METTL25: variants seen among roughly 807,000 people sequenced by gnomAD.
METTL25 encodes the protein probable methyltransferase-like protein 25.
In METTL25, 64 loss-of-function variants were observed where a neutral mutation model predicts 71.6. The observed-to-expected ratio is 0.89, with a 90% CI of 0.73 to 1.10. METTL25 has a LOEUF of 1.10. METTL25 is among the 50% of genes least tolerant of loss of function. METTL25 has a pLI of 0.00. For missense variants in METTL25, 807 were observed against 707.0 expected, an observed-to-expected ratio of 1.14 and a Z score of -1.60; for synonymous variants, 287 against 250.3, an observed-to-expected ratio of 1.15 and a Z score of -1.38.
chr12:82,440,964 C>T (rs1408372598), intron 8 of METTL25, among the ~76,000 whole-genome samples: 2 of 151,964 alleles, frequency 1.3e-5, no homozygotes, highest in Non-Finnish European at 2.9e-5. Flanking sequence ...CTGGAATAGG[C>T]AACTGTCCAC....
intron 1 of METTL25, among the ~76,000 whole-genome samples, chr12:82,385,798 C>G (rs1172714966): frequency 6.6e-6 from 1 of 152,086 alleles, no homozygotes; most frequent in East Asian, 1.9e-4. Context: ...GTAATGCTGT[C>G]CTTGCTGTAG....
At chr12:82,435,208 T>TAA (rs899764868) in intron 7 of METTL25, among the ~76,000 whole-genome samples, 40 of 151,646 alleles carry the variant, frequency 2.6e-4, no homozygotes, top group African/African-American at 8.2e-4. Context: ...AATATCCATG[T>TAA]AATTGTCTTA....
At chr12:82,395,231 G>C (rs1349562910) in intron 3 of METTL25, among the ~76,000 whole-genome samples, 1 of 152,062 alleles carries the variant, frequency 6.6e-6, no homozygotes, top group Non-Finnish European at 1.5e-5. Flanking sequence ...CTGAGCAGGA[G>C]CATCCAGAGT....
Position 82,398,945 on chromosome 12 carries a change from C to T in METTL25, c.682C>T (p.His228Tyr). The change falls in exon 4 of 12, where the codon CAT becomes TAT. Residue 228 changes from histidine to tyrosine, a missense_variant. By Grantham distance (83) the His-to-Tyr change is moderately conservative. Transcript: ENST00000248306. ...ATTGAAGAAACATTGGAAACTCTGTCATGCTCAGTCAAGATTAGATGTCAA... is the reference window on the plus strand; with the variant it reads ...ATTGAAGAAACATTGGAAACTCTGTTATGCTCAGTCAAGATTAGATGTCAA... The part of the protein sequence containing the change: ...RKLKKHWKLC[H>Y]AQSRLDVNGL... 6.2e-7 allele frequency: 1 copy of T among 1,612,018 alleles called. No individual in the cohort carries two copies. Among genetic ancestry groups the T allele is most frequent in the Non-Finnish European group, 8.5e-7 (1 of 1,179,238 alleles).
intron 3 of METTL25, among the ~76,000 whole-genome samples, chr12:82,394,517 C>A (rs1246956639): frequency 1.3e-5 from 2 of 151,990 alleles, no homozygotes; most frequent in East Asian, 3.9e-4. Flanking sequence ...AAAACATGTT[C>A]ACTCATTCAT....
At chr12:82,409,002 T>C (rs1274346777) in intron 5 of METTL25, among the ~76,000 whole-genome samples, 1 of 152,138 alleles carries the variant, frequency 6.6e-6, no homozygotes. Flanking sequence ...CCCTTTGGGA[T>C]GTAAATTTGA....
At chr12:82,390,613 C>G (rs766278560) in intron 3 of METTL25, among the ~76,000 whole-genome samples, 3 of 151,944 alleles carry the variant, frequency 2.0e-5, no homozygotes, top group Non-Finnish European at 2.9e-5. Context: ...TAGAATCTTT[C>G]CATGGATTCA....
At chr12:82,365,296 C>T (rs1255233685) in intron 1 of METTL25, among the ~76,000 whole-genome samples, 1 of 152,060 alleles carries the variant, frequency 6.6e-6, no homozygotes, top group African/African-American at 2.4e-5. Flanking sequence ...ACTGTTCTTT[C>T]CCTATGTGGA....
At position 82,387,025 on chromosome 12, in the gene METTL25, G is replaced by C. The variant is rs542237938; in HGVS notation, c.424+58G>C. On this transcript the variant is annotated intron_variant, in intron 2 of 11. Coordinates refer to ENST00000248306, the MANE Select transcript of METTL25 (RefSeq NM_032230.3). ...TTTAGGTACTTAGAAGCAATACTTT[G>C]TTCATATATGTGTATCTTTCCAAAA... The C allele has an allele frequency of 4.4e-6, 6 of 1,354,538 alleles. No homozygotes were observed. In the Admixed American group the frequency reaches 1.2e-4, roughly 28 times the overall value. 83.9% of individuals were successfully genotyped at this position (1,354,538 alleles called of 1,614,324 possible).
intron 1 of METTL25, among the ~76,000 whole-genome samples, chr12:82,381,182 T>C (rs896389337): frequency 1.3e-5 from 2 of 152,262 alleles, no homozygotes; most frequent in African/African-American, 4.8e-5. Flanking sequence ...TTGTTTATTT[T>C]TTATTTAGCA....
At chr12:82,442,255 T>TTTA (rs1890405822) in intron 8 of METTL25, among the ~76,000 whole-genome samples, 1 of 152,134 alleles carries the variant, frequency 6.6e-6, no homozygotes, top group Non-Finnish European at 1.5e-5. Flanking sequence ...AGAAGCTGAC[T>TTTA]TACCTTTATA....
rs1484115128 is a variant in METTL25, at chr12:82,358,747, C to A, written c.182C>A (p.Ala61Glu). Residue 61 changes from alanine to glutamate, a missense_variant, in exon 1 of 12, where the codon GCG becomes GAG. Ala to Glu is a moderately radical substitution (Grantham distance 107). Transcript: ENST00000248306. ...TTGCCACCGGAGACAGTGCTGGCTG[C>A]GCTGAGGAAGTCAGCGTCGGAGACG... ...VDLPPETVLA[A>E]LRKSASETEA... 1.2e-6 allele frequency: 2 copies of A among 1,614,022 alleles called. No individual in the cohort carries two copies.
At chr12:82,371,378 G>A (rs901381939) in intron 1 of METTL25, among the ~76,000 whole-genome samples, 2 of 152,182 alleles carry the variant, frequency 1.3e-5, no homozygotes, top group African/African-American at 2.4e-5. Context: ...TCCAATGATT[G>A]CCTTGGCATA....
chr12:82,427,484 TAAG>T (rs1444718081), intron 5 of METTL25, among the ~76,000 whole-genome samples: 2 of 151,944 alleles, frequency 1.3e-5, no homozygotes, highest in African/African-American at 4.8e-5. Flanking sequence ...AATCTAATGT[TAAG>T]TAGTATTTTT....
chr12:82,431,344 T>A (rs1224276350), intron 6 of METTL25, among the ~76,000 whole-genome samples: 1 of 151,598 alleles, frequency 6.6e-6, no homozygotes, highest in African/African-American at 2.4e-5. Flanking sequence ...AACTATCTAA[T>A]TAAATAAAAC....
At chr12:82,427,434 T>C (rs936002887) in intron 5 of METTL25, among the ~76,000 whole-genome samples, 4 of 151,958 alleles carry the variant, frequency 2.6e-5, no homozygotes, top group Non-Finnish European at 5.9e-5. Flanking sequence ...ATATACCCTT[T>C]CCAGTGTAGT....
intron 1 of METTL25, among the ~76,000 whole-genome samples, chr12:82,379,794 T>C (rs1884248856): frequency 6.6e-6 from 1 of 152,210 alleles, no homozygotes; most frequent in Non-Finnish European, 1.5e-5. Context: ...TAGTATCCAG[T>C]GTTAACTATT....
chr12:82,476,865 A>G (rs1382746022), intron 10 of METTL25, 147 bp downstream of exon 10: 2 of 551,460 alleles, frequency 3.6e-6, no homozygotes, highest in Non-Finnish European at 3.2e-6. Context: ...TTTCAGGACT[A>G]TATTAGGTGT....
chr12:82,429,166 A>G (rs2137139192), intron 5 of METTL25, among the ~76,000 whole-genome samples: 1 of 151,742 alleles, frequency 6.6e-6, no homozygotes. Context: ...TGTTTGTACC[A>G]ATTAATCTAC....
Sources: gnomAD v4.1 joint callset for allele counts (sites outside exome capture counted in the v4.1 genomes callset) on GRCh38, gnomAD v4.1.1 for gene constraint, MANE v1.5 for transcripts, NCBI Gene and HGNC (gene_info 2026-07-23, HGNC 2026-07-21) for gene names.